The following TGS1 variants were observed in gnomAD, a reference collection of about 807,000 sequenced individuals.
TGS1 encodes the protein trimethylguanosine synthase 1, also known as trimethylguanosine synthase.
TGS1 carries 69 observed loss-of-function variants against 92.2 expected under a neutral mutation model. That is an observed-to-expected ratio of 0.75 (90% CI 0.62 to 0.91). The LOEUF is 0.91. Ranked by LOEUF, TGS1 falls within the 40% of genes least tolerant of loss-of-function variation. The pLI is 0.00. For missense variants in TGS1, 1,062 were observed against 1,001.2 expected, an observed-to-expected ratio of 1.06 and a Z score of -0.82; for synonymous variants, 345 against 338.1, an observed-to-expected ratio of 1.02 and a Z score of -0.22.
chr8:55,815,797 C>T (rs1391731446), intron 12 of TGS1, among the ~76,000 whole-genome samples: 1 of 151,738 alleles, frequency 6.6e-6, no homozygotes, highest in African/African-American at 2.4e-5. Flanking sequence ...GAGATGATTC[C>T]AAGACATGCA....
At chr8:55,810,667 C>G (rs1407005445) in intron 10 of TGS1, among the ~76,000 whole-genome samples, 1 of 152,170 alleles carries the variant, frequency 6.6e-6, no homozygotes, top group African/African-American at 2.4e-5. Context: ...CCAAGTCCTT[C>G]AGTCACATTT....
rs1563456848 is a variant in TGS1, at chr8:55,792,766, A to G, written c.1349A>G (p.Lys450Arg). 6.2e-7 allele frequency: 1 copy of G among 1,613,164 alleles called. No individual in the cohort carries two copies. Among genetic ancestry groups the G allele is most frequent in the Non-Finnish European group, 8.5e-7 (1 of 1,179,158 alleles). Residue 450 changes from lysine to arginine, a missense_variant, in exon 6 of 13, where the codon AAG becomes AGG. Coordinates refer to ENST00000260129, the MANE Select transcript of TGS1 (RefSeq NM_024831.8). ...GACAGTGGTTCCCTTCTAGGATTCA[A>G]GTATGGCTCAGGACAAAAGTAATTA... ...FDDSGSLLGF[K>R]YGSGQKYGGI... is the part of the protein sequence containing the mutation.
chr8:55,788,855 T>C (rs751446671), intron 4 of TGS1, among the ~76,000 whole-genome samples: 13 of 152,194 alleles, frequency 8.5e-5, no homozygotes, highest in Middle Eastern at 3.2e-3. Flanking sequence ...GTTTATAATA[T>C]ACATATTGGG....
chr8:55,810,304 T>G (rs760442256), intron 10 of TGS1, among the ~76,000 whole-genome samples: 16 of 152,346 alleles, frequency 1.1e-4, no homozygotes, highest in Non-Finnish European at 1.6e-4. Context: ...TGAAAGTCCA[T>G]TTGGTGAAAA....
chr8:55,787,120 A>T, intron 4 of TGS1, 60 bp downstream of exon 4: 1 of 1,165,168 alleles, frequency 8.6e-7, no homozygotes, highest in Non-Finnish European at 1.2e-6. Context: ...TTCATTTAGC[A>T]AAATAACTAC....
chr8:55,810,282 G>A (rs1803303143), intron 10 of TGS1, among the ~76,000 whole-genome samples: 1 of 152,178 alleles, frequency 6.6e-6, no homozygotes, highest in Admixed American at 6.5e-5. Flanking sequence ...TATAAAATTG[G>A]AATAAAGTAA....
chr8:55,805,203 A>G (rs1327128960), intron 10 of TGS1, among the ~76,000 whole-genome samples, 167 bp downstream of exon 10: 1 of 152,208 alleles, frequency 6.6e-6, no homozygotes, highest in Non-Finnish European at 1.5e-5. Context: ...TTTGTATTGC[A>G]TACTGGTGTA....
intron 8 of TGS1, among the ~76,000 whole-genome samples, chr8:55,801,446 T>G (rs751356146): frequency 3.7e-5 from 4 of 107,754 alleles, no homozygotes; most frequent in Non-Finnish European, 5.7e-5. Context: ...AATTTTTGTA[T>G]TTTTTTTTAG....
rs1242689890 is a variant in TGS1, at chr8:55,785,731, CAGA to C, written c.186_188del (p.Glu64del). ...ATGGTGTCTATAGGAGACCAGGCGA[CAGA>C]AGAAGAGGAAGGTGGTTATTCCTGT... On this transcript the variant is annotated inframe_deletion, in exon 3 of 13. Transcript: ENST00000260129. 12 of 1,606,198 alleles carry C rather than the reference CAGA, an allele frequency of 7.5e-6. No individual in the cohort carries two copies. Among genetic ancestry groups the C allele is most frequent in the South Asian group, 4.5e-5 (4 of 89,456 alleles).
chr8:55,777,864 C>T (rs1284735872), intron 1 of TGS1, among the ~76,000 whole-genome samples: 1 of 151,570 alleles, frequency 6.6e-6, no homozygotes, highest in Non-Finnish European at 1.5e-5. Flanking sequence ...TAAATAAAGC[C>T]TTTCTTTACC....
At chr8:55,823,261 A>G (rs1218207197) in intron 12 of TGS1, among the ~76,000 whole-genome samples, 1 of 152,208 alleles carries the variant, frequency 6.6e-6, no homozygotes, top group Admixed American at 6.5e-5. Context: ...AGGGTAAAAC[A>G]TTTCTAGTTT....
Position 55,787,626 on chromosome 8 carries a change from C to A in TGS1, c.1162+566C>A, listed in dbSNP as rs181449121. ...AAAAGCTAATTGTGCAAACTGGTGC[C>A]ACTCAGGACTAGAGAATGCCAATGA... On this transcript the variant is annotated intron_variant, in intron 4 of 12. Transcript: ENST00000260129. 1.1e-3 allele frequency among the ~76,000 whole-genome samples: 161 copies of A among 152,306 alleles called. 2 individuals are homozygous for A. The highest frequency in any genetic ancestry group is 2.1e-3 in the Non-Finnish European group (140 of 68,038).
intron 12 of TGS1, among the ~76,000 whole-genome samples, chr8:55,821,700 T>C (rs10102402): frequency 0.15 from 23,487 of 151,626 alleles, 2,123 homozygotes; most frequent in African/African-American, 0.26. Context: ...GGTGAAACCC[T>C]GTCTCTACTA....
At chr8:55,783,591 T>C (rs1248074850) in intron 2 of TGS1, among the ~76,000 whole-genome samples, 1 of 152,192 alleles carries the variant, frequency 6.6e-6, no homozygotes, top group Non-Finnish European at 1.5e-5. Flanking sequence ...AAGTAACAAA[T>C]ATAATTTATA....
chr8:55,821,793 A>C (rs1803644857), intron 12 of TGS1, among the ~76,000 whole-genome samples: 2 of 151,844 alleles, frequency 1.3e-5, no homozygotes, highest in African/African-American at 4.8e-5. Context: ...GAATGGCATG[A>C]ACCCAGGAGG....
intron 8 of TGS1, among the ~76,000 whole-genome samples, chr8:55,800,392 G>A (rs1812186984): frequency 6.6e-6 from 1 of 152,200 alleles, no homozygotes; most frequent in Non-Finnish European, 1.5e-5. Context: ...AATACAGAAA[G>A]TAAAGCTGAG....
chr8:55,804,759 G>T, intron 9 of TGS1, 134 bp from the exon 10 acceptor site: 4 of 713,210 alleles, frequency 5.6e-6, no homozygotes, highest in Non-Finnish European at 8.7e-6. Context: ...TTTAAAACTG[G>T]GTGATTTATA....
At chr8:55,806,482 A>G in intron 10 of TGS1, among the ~76,000 whole-genome samples, 1 of 151,238 alleles carries the variant, frequency 6.6e-6, no homozygotes, top group East Asian at 1.9e-4. Flanking sequence ...TCTTTATTTT[A>G]GTAATACTAC....
intron 2 of TGS1, among the ~76,000 whole-genome samples, chr8:55,783,720 C>T: frequency 6.6e-6 from 1 of 152,186 alleles, no homozygotes; most frequent in East Asian, 1.9e-4. Context: ...AAGCCAAAGT[C>T]AGCCCAAGTA....
Sources: gnomAD v4.1 joint callset for allele counts (sites outside exome capture counted in the v4.1 genomes callset) on GRCh38, gnomAD v4.1.1 for gene constraint, MANE v1.5 for transcripts, NCBI Gene and HGNC (gene_info 2026-07-23, HGNC 2026-07-21) for gene names.